AUTS2: variants seen among roughly 807,000 people sequenced by gnomAD.
AUTS2 encodes activator of transcription and developmental regulator AUTS2, also known as autism susceptibility gene 2 protein.
Under a neutral mutation model 112.4 loss-of-function variants are expected in AUTS2, and 17 were observed. The ratio of observed to expected loss-of-function variants is 0.15; its 90% CI spans 0.10 to 0.23. The LOEUF is 0.23. Among genes scored for constraint, AUTS2 ranks in the 10% least tolerant of loss-of-function variants. AUTS2 has a pLI of 1.00. For synonymous variants in AUTS2, 751 were observed against 702.7 expected, an observed-to-expected ratio of 1.07 and a Z score of -1.09; for missense variants, 1,510 against 1,701.6, an observed-to-expected ratio of 0.89 and a Z score of 1.98.
At chr7:69,607,377 G>A (rs1792786039) in intron 1 of AUTS2, among the ~76,000 whole-genome samples, 2 of 151,908 alleles carry the variant, frequency 1.3e-5, no homozygotes, top group South Asian at 2.1e-4. Flanking sequence ...CTTTACTGAG[G>A]TAGAGCTATC....
At chr7:70,176,555 C>A (rs1808998771) in intron 4 of AUTS2, among the ~76,000 whole-genome samples, 1 of 152,210 alleles carries the variant, frequency 6.6e-6, no homozygotes, top group East Asian at 1.9e-4. Context: ...GAATAATTAA[C>A]CTTCCTTGCT....
chr7:69,817,092 C>T (rs1388928095), intron 1 of AUTS2, among the ~76,000 whole-genome samples: 1 of 152,200 alleles, frequency 6.6e-6, no homozygotes, highest in Non-Finnish European at 1.5e-5. Flanking sequence ...TAAATGTTTG[C>T]CATTCTTCTT....
intron 5 of AUTS2, among the ~76,000 whole-genome samples, chr7:70,661,621 T>C (rs967045556): frequency 1.3e-5 from 2 of 152,188 alleles, no homozygotes; most frequent in Non-Finnish European, 2.9e-5. Context: ...GACAGTACTT[T>C]CTGTACATCG....
At chr7:69,926,999 C>T (rs920055708) in intron 2 of AUTS2, among the ~76,000 whole-genome samples, 14 of 143,848 alleles carry the variant, frequency 9.7e-5, no homozygotes, top group East Asian at 2.0e-4. Flanking sequence ...TAAAGCACCA[C>T]GAAAAACAAG....
In AUTS2 at chr7:69,642,414, G is replaced by GA. The variant is rs1794836430; in HGVS notation, c.309+42456dup. On this transcript the variant is annotated intron_variant, in intron 1 of 18. Coordinates refer to ENST00000342771, the MANE Select transcript of AUTS2 (RefSeq NM_015570.4). ...AATGAAGCACTGCAGATTCTTAACC[G>GA]AAAATGGAATATTTGGTTTGACTTA... Among the ~76,000 whole-genome samples, 2 of 152,252 alleles carry GA rather than the reference G, an allele frequency of 1.3e-5. 1 individual carries two copies. Among genetic ancestry groups the GA allele is most frequent in the Middle Eastern group, 6.8e-3 (2 of 294 alleles).
chr7:70,109,363 T>C (rs2129571040), intron 2 of AUTS2, among the ~76,000 whole-genome samples: 1 of 152,340 alleles, frequency 6.6e-6, no homozygotes, highest in South Asian at 2.1e-4. Context: ...GTGTGTGAAT[T>C]TCTGAGCCTA....
chr7:70,707,049 C>T (rs1445789254), intron 6 of AUTS2, among the ~76,000 whole-genome samples: 1 of 152,154 alleles, frequency 6.6e-6, no homozygotes, highest in Non-Finnish European at 1.5e-5. Flanking sequence ...TAACCAAACC[C>T]ATCTCTTACA....
chr7:70,332,177 C>G (rs1790784238), intron 4 of AUTS2, among the ~76,000 whole-genome samples: 1 of 152,016 alleles, frequency 6.6e-6, no homozygotes, highest in Non-Finnish European at 1.5e-5. Context: ...AATAGACAAA[C>G]AGAGAGCCAA....
At chr7:69,743,154 G>A (rs991597637) in intron 1 of AUTS2, among the ~76,000 whole-genome samples, 1 of 152,060 alleles carries the variant, frequency 6.6e-6, no homozygotes, top group Non-Finnish European at 1.5e-5. Context: ...GTGACTTTGG[G>A]CAAGTTACCT....
At chr7:70,508,281 G>T in intron 5 of AUTS2, among the ~76,000 whole-genome samples, 1 of 151,964 alleles carries the variant, frequency 6.6e-6, no homozygotes, top group Non-Finnish European at 1.5e-5. Flanking sequence ...GAGGGGGGTA[G>T]GGAGAGAAGG....
At chr7:69,862,675 A>G (rs1793041993) in intron 1 of AUTS2, among the ~76,000 whole-genome samples, 1 of 152,144 alleles carries the variant, frequency 6.6e-6, no homozygotes, top group South Asian at 2.1e-4. Context: ...TTTTCTTTTT[A>G]GAAGGAAGCT....
intron 2 of AUTS2, among the ~76,000 whole-genome samples, chr7:70,110,859 C>CT (rs71077618): frequency 0.091 from 7,569 of 82,736 alleles, 529 homozygotes; most frequent in African/African-American, 0.12. Context: ...TTCTTTCTTT[C>CT]TTTTTTTTTT....
intron 5 of AUTS2, among the ~76,000 whole-genome samples, chr7:70,479,650 G>T (rs563123407): frequency 1.3e-5 from 2 of 151,324 alleles, no homozygotes; most frequent in South Asian, 2.1e-4. Context: ...AAAAAAAAAT[G>T]ATGCCAAAGA....
chr7:69,647,755 A>G (rs987886726), intron 1 of AUTS2, among the ~76,000 whole-genome samples: 2 of 152,232 alleles, frequency 1.3e-5, no homozygotes, highest in Admixed American at 1.3e-4. Context: ...AAATAGTCTC[A>G]TAGTTTTGGA....
At chr7:70,222,518 T>C (rs1340575867) in intron 4 of AUTS2, among the ~76,000 whole-genome samples, 2 of 152,170 alleles carry the variant, frequency 1.3e-5, no homozygotes, top group African/African-American at 4.8e-5. Context: ...TAAAAAGTGA[T>C]ATTTTTCCTC....
At chr7:69,837,360 T>C (rs1230323595) in intron 1 of AUTS2, among the ~76,000 whole-genome samples, 1 of 152,150 alleles carries the variant, frequency 6.6e-6, no homozygotes, top group African/African-American at 2.4e-5. Flanking sequence ...TCAGAGAGGT[T>C]AATTTGCCCA....
intron 18 of AUTS2, 54 bp from the exon 19 acceptor site, chr7:70,789,694 C>G: frequency 6.4e-7 from 1 of 1,561,078 alleles, no homozygotes; most frequent in Non-Finnish European, 8.7e-7. Context: ...CCTGGCCCGG[C>G]CGACTCGCCC....
At chr7:70,646,959 G>A (rs1806203663) in intron 5 of AUTS2, among the ~76,000 whole-genome samples, 1 of 152,208 alleles carries the variant, frequency 6.6e-6, no homozygotes, top group African/African-American at 2.4e-5. Context: ...GGCTGGCTGA[G>A]CAGTTTCAAA....
intron 2 of AUTS2, among the ~76,000 whole-genome samples, chr7:69,955,520 A>C (rs766502626): frequency 1.3e-5 from 2 of 152,180 alleles, no homozygotes; most frequent in African/African-American, 4.8e-5. Flanking sequence ...AGGGGCTTAC[A>C]TACAGGGGAG....
Sources: allele counts gnomAD v4.1 joint callset (sites outside exome capture counted in the v4.1 genomes callset), GRCh38; gene constraint gnomAD v4.1.1; transcripts MANE v1.5; gene names NCBI Gene and HGNC (gene_info 2026-07-23, HGNC 2026-07-21).